Variants in PPFIA1 observed in about 807,000 individuals in gnomAD.
PPFIA1 encodes liprin-alpha-1.
PPFIA1 carries 25 observed loss-of-function variants against 149.9 expected under a neutral mutation model. That is an observed-to-expected ratio of 0.17 (90% confidence interval 0.12 to 0.23). The LOEUF is 0.23. PPFIA1 is among the 10% of genes least tolerant of loss of function. The pLI is 1.00. For missense variants in PPFIA1, 1,362 were observed against 1,506.5 expected (o/e 0.90, Z 1.59); for synonymous variants, 549 against 552.8 (o/e 0.99, Z 0.10).
At chr11:70,312,889 C>G (rs575785859) in intron 2 of PPFIA1, among the ~76,000 whole-genome samples, 1 of 152,076 alleles carries the variant, frequency 6.6e-6, no homozygotes, top group African/African-American at 2.4e-5. Flanking sequence ...TGAGGAATGC[C>G]GGGGCTGGGG....
chr11:70,271,182 G>GAAAGCCC (rs1184185189), intron 1 of PPFIA1: 1 of 152,158 alleles, frequency 6.6e-6, no homozygotes, highest in Non-Finnish European at 1.5e-5. Flanking sequence ...GCGGGGACCT[G>GAAAGCCC]TGGCCGCTGA....
intron 14 of PPFIA1, among the ~76,000 whole-genome samples, chr11:70,342,839 CAG>C (rs2055416035): frequency 6.7e-6 from 1 of 150,228 alleles, no homozygotes; most frequent in African/African-American, 2.5e-5. Flanking sequence ...ATAATTAAAT[CAG>C]GGTAATTGGG....
At chr11:70,377,918 G>C in intron 25 of PPFIA1, 112 bp from the exon 26 acceptor site, 1 of 865,904 alleles carries the variant, frequency 1.2e-6, no homozygotes, top group Non-Finnish European at 1.8e-6. Context: ...TTAAATACAT[G>C]TGGACAAGAA....
chr11:70,345,921 C>T (rs1351156169), intron 15 of PPFIA1: 1 of 426,704 alleles, frequency 2.3e-6, no homozygotes, highest in Non-Finnish European at 4.8e-6. Flanking sequence ...TGGTACAGAA[C>T]ACTGGAGCTC....
chr11:70,335,922 T>C (rs1398529797), intron 11 of PPFIA1, among the ~76,000 whole-genome samples: 1 of 152,244 alleles, frequency 6.6e-6, no homozygotes, highest in Non-Finnish European at 1.5e-5. Context: ...ATCATTCTTA[T>C]TCTCTAGAAT....
intron 2 of PPFIA1, among the ~76,000 whole-genome samples, chr11:70,306,192 A>G (rs117851635): frequency 1.3e-3 from 190 of 151,612 alleles, no homozygotes; most frequent in Non-Finnish European, 2.3e-3. Context: ...TTAATCGTCA[A>G]TGGAGAAATG....
chr11:70,311,301 T>G lies in PPFIA1; in HGVS notation c.265-13101T>G, dbSNP rs550706949. Among the ~76,000 whole-genome samples, 35 of 139,820 alleles carry G rather than the reference T, an allele frequency of 2.5e-4. 1 individual carries two copies. The Middle Eastern group carries it at 0.011, about 45-fold the overall frequency. 91.7% of individuals were successfully genotyped at this position (139,820 alleles called of 152,430 possible). A position where few individuals can be genotyped will look rare whatever the true frequency, so the allele number is the denominator to read the frequency against. On this transcript the variant is annotated intron_variant, in intron 2 of 27. Coordinates refer to ENST00000253925, the MANE Select transcript of PPFIA1 (RefSeq NM_003626.5). The stretch of plus-strand genomic sequence containing the variant: ...CCAGCCTGGACAGCAAGAGTGAAAC[T>G]CCATCTCAAAAAAAAAAAAAAGATA...
intron 2 of PPFIA1, among the ~76,000 whole-genome samples, chr11:70,306,712 G>A (rs1263636496): frequency 2.0e-5 from 3 of 152,114 alleles, no homozygotes; most frequent in Admixed American, 2.0e-4. Context: ...TGACTCTGCT[G>A]GATAAAAATG....
intron 2 of PPFIA1, among the ~76,000 whole-genome samples, chr11:70,281,072 C>T (rs1360572473): frequency 6.6e-6 from 1 of 152,198 alleles, no homozygotes; most frequent in Non-Finnish European, 1.5e-5. Flanking sequence ...GAATAGTTGA[C>T]ATTTGCATCT....
intron 2 of PPFIA1, among the ~76,000 whole-genome samples, chr11:70,275,361 G>A (rs138329992): frequency 5.3e-4 from 80 of 152,248 alleles, no homozygotes; most frequent in Non-Finnish European, 1.1e-3. Flanking sequence ...ATGACAGATT[G>A]TTTTTAGACT....
chr11:70,369,233 CT>C (rs1457009710), intron 21 of PPFIA1, among the ~76,000 whole-genome samples: 1 of 152,074 alleles, frequency 6.6e-6, no homozygotes, highest in African/African-American at 2.4e-5. Context: ...TTTTCTGCAT[CT>C]TTTGAGATGA....
In PPFIA1 at chr11:70,333,452, C is replaced by A; in HGVS notation, c.1213-18C>A. On this transcript the variant is annotated intron_variant, in intron 9 of 27. Coordinates refer to ENST00000253925, the MANE Select transcript of PPFIA1 (RefSeq NM_003626.5). The stretch of plus-strand genomic sequence containing the variant: ...GAAGTGTAAGGATGACGTCAGCGTA[C>A]GCTGTTTCTGCTGACAGGCTGAAGA... 1 of 1,594,438 alleles carries A rather than the reference C, an allele frequency of 6.3e-7. No homozygotes were observed. Among genetic ancestry groups the A allele is most frequent in the Non-Finnish European group, 8.6e-7 (1 of 1,164,238 alleles).
intron 19 of PPFIA1, among the ~76,000 whole-genome samples, chr11:70,359,170 C>G (rs914343337): frequency 6.6e-6 from 1 of 152,218 alleles, no homozygotes; most frequent in Non-Finnish European, 1.5e-5. Context: ...TCACCACTCA[C>G]TGCAGCCTTG....
chr11:70,353,341 C>G (rs1444626753), intron 16 of PPFIA1, among the ~76,000 whole-genome samples: 1 of 152,198 alleles, frequency 6.6e-6, no homozygotes, highest in African/African-American at 2.4e-5. Flanking sequence ...CAAATAGCCA[C>G]TGCAGTCCAG....
intron 23 of PPFIA1, among the ~76,000 whole-genome samples, chr11:70,372,964 A>G (rs72949081): frequency 0.13 from 19,703 of 152,218 alleles, 1,398 homozygotes; most frequent in Admixed American, 0.18. Context: ...GGGCTTATCC[A>G]AGGGGTTCAG....
chr11:70,370,380 T>G (rs978279328), intron 21 of PPFIA1, among the ~76,000 whole-genome samples: 2 of 151,722 alleles, frequency 1.3e-5, no homozygotes, highest in Admixed American at 1.3e-4. Flanking sequence ...TTCTTCTAGT[T>G]TAAGTTTTAA....
intron 17 of PPFIA1, 54 bp downstream of exon 17, chr11:70,354,506 T>C: frequency 2.0e-6 from 3 of 1,528,036 alleles, no homozygotes; most frequent in Non-Finnish European, 1.8e-6. Context: ...TCGTTTCTGG[T>C]GTTGAGAAAT....
chr11:70,290,510 T>C (rs1046483739), intron 2 of PPFIA1, among the ~76,000 whole-genome samples: 1 of 152,196 alleles, frequency 6.6e-6, no homozygotes, highest in African/African-American at 2.4e-5. Context: ...GTGGACAAAA[T>C]GTTTCCACTT....
chr11:70,357,057 A>G (rs2056397049), intron 19 of PPFIA1, among the ~76,000 whole-genome samples: 1 of 152,194 alleles, frequency 6.6e-6, no homozygotes, highest in Admixed American at 6.5e-5. Flanking sequence ...GATGAAGTAG[A>G]TAGGCTGAGA....
Sources: allele counts gnomAD v4.1 joint callset (sites outside exome capture counted in the v4.1 genomes callset), GRCh38; gene constraint gnomAD v4.1.1; transcripts MANE v1.5; gene names NCBI Gene and HGNC (gene_info 2026-07-23, HGNC 2026-07-21).